CLHC1: variants seen among roughly 807,000 people sequenced by gnomAD.
The protein encoded by CLHC1 is clathrin heavy chain linker domain-containing protein 1.
A neutral mutation model predicts 69.5 loss-of-function variants in CLHC1; 72 were observed. The observed-to-expected ratio is 1.04, with a 90% CI of 0.86 to 1.26. CLHC1 has a LOEUF of 1.26. CLHC1 is among the 50% of genes most tolerant of loss of function. CLHC1 has a pLI of 0.00. For missense variants in CLHC1, 790 were observed against 679.3 expected, an observed-to-expected ratio of 1.16 and a Z score of -1.81; for synonymous variants, 223 against 224.3, an observed-to-expected ratio of 0.99 and a Z score of 0.05.
intron 9 of CLHC1, among the ~76,000 whole-genome samples, chr2:55,198,048 A>G (rs893624439): frequency 2.6e-5 from 4 of 152,228 alleles, no homozygotes; most frequent in Admixed American, 6.5e-5. Context: ...GAGTTGAAAA[A>G]TGCAATTGAC....
chr2:55,188,542 T>C (rs1670627677), intron 9 of CLHC1, among the ~76,000 whole-genome samples: 2 of 152,174 alleles, frequency 1.3e-5, no homozygotes, highest in Admixed American at 6.5e-5. Flanking sequence ...ATGTTTGTTA[T>C]TATCTTCAAA....
Position 55,174,618 on chromosome 2 carries a change from G to T in CLHC1, c.*1172C>A, listed in dbSNP as rs1669223221. ...CCCATATTTTATAAGTGAGTAAGAGGTAGGACCAGAATTTTAATATGAAGC... is the reference window on the plus strand; with the variant it reads ...CCCATATTTTATAAGTGAGTAAGAGTTAGGACCAGAATTTTAATATGAAGC... On this transcript the variant is annotated 3_prime_UTR_variant, in exon 13 of 13. Coordinates refer to ENST00000401408, the MANE Select transcript of CLHC1 (RefSeq NM_152385.4). Among the ~76,000 whole-genome samples, 1 of 152,148 alleles carries T rather than the reference G, an allele frequency of 6.6e-6. No homozygotes were observed. Among genetic ancestry groups the T allele is most frequent in the Non-Finnish European group, 1.5e-5 (1 of 68,014 alleles).
At chr2:55,203,442 G>A (rs1487021314) in intron 9 of CLHC1, among the ~76,000 whole-genome samples, 5 of 152,112 alleles carry the variant, frequency 3.3e-5, no homozygotes, top group South Asian at 2.1e-4. Flanking sequence ...AAAACAGCAC[G>A]GTAATGGAAT....
intron 11 of CLHC1, among the ~76,000 whole-genome samples, chr2:55,179,208 G>A (rs1166718339): frequency 6.6e-6 from 1 of 151,952 alleles, no homozygotes; most frequent in African/African-American, 2.4e-5. Context: ...CTTAGGTAAT[G>A]GAATATTAAT....
At chr2:55,231,245 G>A (rs1417039755) in intron 1 of CLHC1, among the ~76,000 whole-genome samples, 4 of 140,864 alleles carry the variant, frequency 2.8e-5, no homozygotes, top group African/African-American at 8.3e-5. Flanking sequence ...GCGAAATTCC[G>A]TCTCACGAAA....
In CLHC1 at chr2:55,181,472, T is replaced by C. The variant is rs537339705; in HGVS notation, c.1181+98A>G. ...AATTGCAATAGGGACCTGAAGTAAATGTTCAAGTAACATATTGATAAAGCT... is the reference window on the plus strand; with the variant it reads ...AATTGCAATAGGGACCTGAAGTAAACGTTCAAGTAACATATTGATAAAGCT... On this transcript the variant is annotated intron_variant, in intron 10 of 12. Transcript: ENST00000401408. 1.0e-5 allele frequency: 10 copies of C among 961,708 alleles called. No homozygotes were observed. In the East Asian group the frequency reaches 1.8e-4, roughly 17 times the overall value. The allele number at this position is 961,708 out of a possible 1,614,324, so 59.6% of individuals were successfully genotyped here.
chr2:55,175,705 T>A lies in CLHC1; in HGVS notation c.*85A>T. The A allele has an allele frequency of 1.2e-6, 1 of 811,710 alleles. No homozygotes were observed. The highest frequency in any genetic ancestry group is 2.0e-6 in the Non-Finnish European group (1 of 510,834). 50.3% of individuals were successfully genotyped at this position (811,710 alleles called of 1,614,324 possible). On this transcript the variant is annotated 3_prime_UTR_variant, in exon 13 of 13. Transcript: ENST00000401408. The stretch of plus-strand genomic sequence containing the variant: ...GATCTTCTTACTCTAGATTTATTTA[T>A]AAGTTAGTTACGTTAAAATCAGTTT...
At chr2:55,214,490 A>C (rs958095280) in intron 4 of CLHC1, 4 of 152,274 alleles carry the variant, frequency 2.6e-5, no homozygotes, top group African/African-American at 9.6e-5. Context: ...CCTGGAAGAC[A>C]GGGCAAGATT....
intron 9 of CLHC1, among the ~76,000 whole-genome samples, chr2:55,196,550 C>A (rs888466644): frequency 2.0e-5 from 3 of 152,094 alleles, no homozygotes; most frequent in African/African-American, 2.4e-5. Context: ...CTATTCCAGG[C>A]CCCCCAAACT....
At chr2:55,224,301 C>T in intron 2 of CLHC1, 3 of 457,470 alleles carry the variant, frequency 6.6e-6, no homozygotes, top group Non-Finnish European at 1.3e-5. Context: ...ATGCAGAGTG[C>T]CGTCCTCTGG....
Position 55,181,759 on chromosome 2 carries a change from A to T in CLHC1, c.1007-15T>A, listed in dbSNP as rs1309230849. ...TTTTCCAACAGCTACAGAAAGGAGA[A>T]AATTTTCTGAGTCAAATACTTTAAG... is the stretch of plus-strand genomic sequence containing the variant. On this transcript the variant is annotated splice_polypyrimidine_tract_variant and intron_variant, in intron 9 of 12. Transcript: ENST00000401408. 2 of 1,601,872 alleles carry T rather than the reference A, an allele frequency of 1.2e-6. No homozygotes were observed. The highest frequency in any genetic ancestry group is 1.7e-5 in the Admixed American group (1 of 57,422).
At chr2:55,211,019 G>A (rs1053614876) in intron 5 of CLHC1, among the ~76,000 whole-genome samples, 2 of 151,790 alleles carry the variant, frequency 1.3e-5, no homozygotes, top group Non-Finnish European at 2.9e-5. Flanking sequence ...TTCTCATCTG[G>A]GCCAATTGTT....
chr2:55,185,367 C>T (rs1173203090), intron 9 of CLHC1, among the ~76,000 whole-genome samples: 2 of 152,078 alleles, frequency 1.3e-5, no homozygotes, highest in East Asian at 3.8e-4. Flanking sequence ...CAGATGATAC[C>T]CCCTTCCAGG....
At chr2:55,192,092 G>A (rs1040177327) in intron 9 of CLHC1, among the ~76,000 whole-genome samples, 1 of 151,854 alleles carries the variant, frequency 6.6e-6, no homozygotes, top group African/African-American at 2.4e-5. Flanking sequence ...CAACTAAAAG[G>A]CAAAGACTGT....
intron 1 of CLHC1, among the ~76,000 whole-genome samples, chr2:55,231,104 G>C (rs1675279161): frequency 6.6e-6 from 1 of 152,058 alleles, no homozygotes; most frequent in South Asian, 2.1e-4. Context: ...ACAAAAATTA[G>C]CCGGGTGTGG....
intron 3 of CLHC1, among the ~76,000 whole-genome samples, chr2:55,221,380 T>C (rs1267318718): frequency 6.6e-6 from 1 of 152,220 alleles, no homozygotes; most frequent in Non-Finnish European, 1.5e-5. Flanking sequence ...AAATCAAATA[T>C]GTTCCACAAA....
chr2:55,181,095 C>T (rs1669892819), intron 10 of CLHC1, among the ~76,000 whole-genome samples: 1 of 152,280 alleles, frequency 6.6e-6, no homozygotes, highest in Non-Finnish European at 1.5e-5. Flanking sequence ...ATTCTCCTGC[C>T]TCAGCTTCCT....
chr2:55,178,149 T>C (rs1669583458), intron 11 of CLHC1, among the ~76,000 whole-genome samples: 1 of 152,232 alleles, frequency 6.6e-6, no homozygotes, highest in Non-Finnish European at 1.5e-5. Context: ...CTGAAAAGTG[T>C]AGTATTAGAG....
At chr2:55,226,338 C>T (rs1416000430) in intron 2 of CLHC1, among the ~76,000 whole-genome samples, 2 of 152,056 alleles carry the variant, frequency 1.3e-5, no homozygotes, top group South Asian at 2.1e-4. Flanking sequence ...AAGGCAACAT[C>T]GTAACTTTTT....
Sources: gnomAD v4.1 joint callset for allele counts (sites outside exome capture counted in the v4.1 genomes callset) on GRCh38, gnomAD v4.1.1 for gene constraint, MANE v1.5 for transcripts, NCBI Gene and HGNC (gene_info 2026-07-23, HGNC 2026-07-21) for gene names.